Variants in ENTREP2 observed in about 807,000 individuals in gnomAD.
ENTREP2 encodes the protein endosomal transmembrane epsin interactor 2, also known as protein ENTREP2.
the ENTREP2 span, chr15:29,196,611 C>A: frequency 6.5e-7 from 1 of 1,529,476 alleles, no homozygotes; most frequent in Admixed American, 2.0e-5. Flanking sequence ...AGGCATTCGA[C>A]CCCCGAGGGT....
chr15:29,225,604 A>G, the ENTREP2 span, among the ~76,000 whole-genome samples: 1 of 152,180 alleles, frequency 6.6e-6, no homozygotes, highest in East Asian at 1.9e-4. Flanking sequence ...ATCACAGAAA[A>G]AAACTACCAG....
the ENTREP2 span, among the ~76,000 whole-genome samples, chr15:29,430,845 A>G: frequency 6.6e-6 from 1 of 152,168 alleles, no homozygotes; most frequent in South Asian, 2.1e-4. Context: ...ATGGATTGAC[A>G]TAAGGAGAGA....
At chr15:29,269,779 G>T in the ENTREP2 span, 1 of 1,342,364 alleles carries the variant, frequency 7.4e-7, no homozygotes, top group Non-Finnish European at 9.7e-7. Flanking sequence ...TCGGCGACCC[G>T]CTAACGCCGG....
the ENTREP2 span, among the ~76,000 whole-genome samples, chr15:29,201,143 A>G: frequency 6.6e-6 from 1 of 152,172 alleles, no homozygotes; most frequent in Non-Finnish European, 1.5e-5. Flanking sequence ...TATTAATTCT[A>G]AGAGGCTTGT....
chr15:29,438,354 G>A, the ENTREP2 span, among the ~76,000 whole-genome samples: 1 of 152,204 alleles, frequency 6.6e-6, no homozygotes, highest in African/African-American at 2.4e-5. Flanking sequence ...GTGGCTAACT[G>A]ACGTGTGCAA....
the ENTREP2 span, among the ~76,000 whole-genome samples, chr15:29,643,154 A>G: frequency 7.2e-6 from 1 of 138,476 alleles, no homozygotes; most frequent in African/African-American, 2.6e-5. Flanking sequence ...AAGCAAAACC[A>G]AAAGTAGATA....
At chr15:29,134,381 C>G in the ENTREP2 span, among the ~76,000 whole-genome samples, 1 of 152,178 alleles carries the variant, frequency 6.6e-6, no homozygotes, top group Admixed American at 6.5e-5. Flanking sequence ...CTGGCCGGGG[C>G]TCAGGGGGCC....
chr15:29,316,238 A>G, the ENTREP2 span, among the ~76,000 whole-genome samples: 1 of 152,210 alleles, frequency 6.6e-6, no homozygotes, highest in Non-Finnish European at 1.5e-5. Flanking sequence ...TGACTGTAAC[A>G]TATCACCATT....
At chr15:29,201,669 A>G in the ENTREP2 span, among the ~76,000 whole-genome samples, 14 of 152,186 alleles carry the variant, frequency 9.2e-5, no homozygotes, top group South Asian at 8.3e-4. Context: ...GTTGAATTTT[A>G]TTCGTTATTA....
At chr15:29,642,571 C>CA in the ENTREP2 span, among the ~76,000 whole-genome samples, 4 of 144,656 alleles carry the variant, frequency 2.8e-5, no homozygotes, top group African/African-American at 1.0e-4. Context: ...ATACTATATA[C>CA]TATATATATA....
the ENTREP2 span, among the ~76,000 whole-genome samples, chr15:29,140,009 C>T: frequency 6.6e-6 from 1 of 152,200 alleles, no homozygotes; most frequent in Non-Finnish European, 1.5e-5. Context: ...GGGCACCTGG[C>T]CGGCCTGCGG....
the ENTREP2 span, among the ~76,000 whole-genome samples, chr15:29,359,615 G>A: frequency 1.3e-5 from 2 of 152,274 alleles, no homozygotes; most frequent in African/African-American, 4.8e-5. Context: ...GTTTCACCCT[G>A]TTGGCCAGGA....
the ENTREP2 span, chr15:29,373,626 C>CTT: frequency 6.6e-6 from 1 of 151,438 alleles, no homozygotes; most frequent in Non-Finnish European, 1.5e-5. Flanking sequence ...ATTTTGCTTT[C>CTT]TTTTATTTTT....
the ENTREP2 span, among the ~76,000 whole-genome samples, chr15:29,633,191 C>T: frequency 6.6e-6 from 1 of 152,110 alleles, no homozygotes; most frequent in Non-Finnish European, 1.5e-5. Flanking sequence ...GAGACTGGCA[C>T]CACCAACTGT....
the ENTREP2 span, among the ~76,000 whole-genome samples, chr15:29,417,388 C>T: frequency 0.013 from 1,920 of 152,196 alleles, 29 homozygotes; most frequent in African/African-American, 0.044. Context: ...AGCAAACTAT[C>T]GCAAGGACAA....
the ENTREP2 span, chr15:29,269,252 A>C: frequency 6.2e-7 from 1 of 1,614,084 alleles, no homozygotes; most frequent in South Asian, 1.1e-5. Context: ...ATGAGGATGT[A>C]AGTGTTGCTC....
the ENTREP2 span, chr15:29,123,688 C>T: frequency 2.0e-6 from 3 of 1,523,652 alleles, no homozygotes; most frequent in Non-Finnish European, 2.7e-6. Flanking sequence ...CAGTTCAAAA[C>T]TCACTGAAAT....
chr15:29,666,601 C>A, the ENTREP2 span, among the ~76,000 whole-genome samples: 55 of 152,320 alleles, frequency 3.6e-4, 1 homozygote, highest in Admixed American at 1.1e-3. Context: ...GGAATCAAAT[C>A]TGAAGTCCTC....
chr15:29,528,339 C>CAA, the ENTREP2 span, among the ~76,000 whole-genome samples: 10 of 109,120 alleles, frequency 9.2e-5, no homozygotes, highest in African/African-American at 1.3e-4. Context: ...AAAGGCTGAC[C>CAA]AAAAAAAAAA....
Sources: gnomAD v4.1 joint callset for allele counts (sites outside exome capture counted in the v4.1 genomes callset) on GRCh38, gnomAD v4.1.1 for gene constraint, MANE v1.5 for transcripts, NCBI Gene and HGNC (gene_info 2026-07-23, HGNC 2026-07-21) for gene names.